The following PRKN variants were observed in gnomAD, a reference collection of about 807,000 sequenced individuals.
The protein encoded by PRKN is E3 ubiquitin-protein ligase parkin.
A neutral mutation model predicts 59.5 loss-of-function variants in PRKN; 56 were observed. The observed-to-expected ratio is 0.94, with a 90% CI of 0.76 to 1.18. PRKN has a LOEUF of 1.18. PRKN is among the 50% of genes most tolerant of loss of function. The pLI is 0.00. For missense variants in PRKN, 657 were observed against 596.4 expected (o/e 1.10, Z -1.06); for synonymous variants, 250 against 222.1 (o/e 1.13, Z -1.12).
At chr6:162,613,446 G>GA (rs1353894150) in intron 1 of PRKN, among the ~76,000 whole-genome samples, 1 of 152,146 alleles carries the variant, frequency 6.6e-6, no homozygotes, top group Non-Finnish European at 1.5e-5. Flanking sequence ...AATAATTCTA[G>GA]AAAAATGCCT....
chr6:161,643,995 G>T (rs1582936662), intron 7 of PRKN, among the ~76,000 whole-genome samples: 1 of 152,026 alleles, frequency 6.6e-6, no homozygotes, highest in African/African-American at 2.4e-5. Flanking sequence ...GTTCATCAAT[G>T]CCAGAGGAGC....
intron 1 of PRKN, among the ~76,000 whole-genome samples, chr6:162,692,577 C>CG (rs1554262678): frequency 3.3e-5 from 5 of 151,578 alleles, no homozygotes; most frequent in African/African-American, 1.2e-4. Flanking sequence ...CAGACCCCCC[C>CG]CAACAAAATC....
rs141028974 is a variant in PRKN, at chr6:162,443,734, T to C, written c.8-261A>G. ...TGCATTCTCCCTTTGACATCCATCC[T>C]GGGAAACAGAGAGACTTGAGCAGGA... is the stretch of plus-strand genomic sequence containing the variant. On this transcript the variant is annotated intron_variant, in intron 1 of 11. Transcript: ENST00000366898. Among the ~76,000 whole-genome samples the C allele has an allele frequency of 3.3e-3, 509 of 152,262 alleles. 3 individuals are homozygous for C. The highest frequency in any genetic ancestry group is 0.012 in the African/African-American group (485 of 41,544).
chr6:161,669,330 C>A (rs1460174563), intron 7 of PRKN, among the ~76,000 whole-genome samples: 1 of 152,148 alleles, frequency 6.6e-6, no homozygotes, highest in African/African-American at 2.4e-5. Context: ...TTCACAGTGA[C>A]CGCCTCCAGC....
intron 2 of PRKN, among the ~76,000 whole-genome samples, chr6:162,420,714 T>C (rs890753751): frequency 2.0e-5 from 3 of 152,190 alleles, no homozygotes; most frequent in African/African-American, 7.2e-5. Context: ...CTTGTAGCTA[T>C]GACTCTGTAG....
chr6:161,389,876 T>C (rs4131770), intron 9 of PRKN, among the ~76,000 whole-genome samples: 120,180 of 152,182 alleles, frequency 0.79, 47,768 homozygotes, highest in East Asian at 0.94. Context: ...ATAAATAGGC[T>C]TTTCCTGACA....
At chr6:162,350,649 T>G (rs916245232) in intron 2 of PRKN, among the ~76,000 whole-genome samples, 1 of 152,154 alleles carries the variant, frequency 6.6e-6, no homozygotes, top group Non-Finnish European at 1.5e-5. Flanking sequence ...GATTTCTGCT[T>G]TACATCATAT....
chr6:162,090,649 T>C (rs552323713), intron 4 of PRKN, among the ~76,000 whole-genome samples: 2 of 152,342 alleles, frequency 1.3e-5, no homozygotes, highest in South Asian at 2.1e-4. Context: ...AAGTGTCTAA[T>C]TGCAATACAC....
At position 161,592,795 on chromosome 6, in the gene PRKN, G is replaced by C. The variant is rs1300958177; in HGVS notation, c.872-23379C>G. 1.3e-5 allele frequency among the ~76,000 whole-genome samples: 2 copies of C among 152,096 alleles called. No individual in the cohort carries two copies. The highest frequency in any genetic ancestry group is 2.9e-5 in the Non-Finnish European group (2 of 68,010). ...ACACAAGCAGAGCAGACAGGTCTGCGGGCCAGGGTGCCGCCAGGATAGGAG... is the reference window on the plus strand; with the variant it reads ...ACACAAGCAGAGCAGACAGGTCTGCCGGCCAGGGTGCCGCCAGGATAGGAG... On this transcript the variant is annotated intron_variant, in intron 7 of 11. Transcript: ENST00000366898. The surrounding 1 kb of genome is among the most constrained non-coding windows in gnomAD (Gnocchi z 4.8).
intron 1 of PRKN, among the ~76,000 whole-genome samples, chr6:162,508,157 G>C (rs936014239): frequency 6.6e-6 from 1 of 152,172 alleles, no homozygotes; most frequent in African/African-American, 2.4e-5. Flanking sequence ...GAGAAAATGA[G>C]GAAGATGCAA....
At chr6:161,555,752 T>C (rs1296807141) in intron 8 of PRKN, among the ~76,000 whole-genome samples, 1 of 152,204 alleles carries the variant, frequency 6.6e-6, no homozygotes, top group Non-Finnish European at 1.5e-5. Flanking sequence ...TATCCTTTTG[T>C]GCATCCACAT....
intron 1 of PRKN, among the ~76,000 whole-genome samples, chr6:162,518,438 T>C (rs1411763519): frequency 6.6e-6 from 1 of 152,190 alleles, no homozygotes; most frequent in Non-Finnish European, 1.5e-5. Context: ...CAATCTCGGC[T>C]CACTGCAACC....
At chr6:161,843,302 T>C (rs547921443) in intron 6 of PRKN, among the ~76,000 whole-genome samples, 6 of 152,214 alleles carry the variant, frequency 3.9e-5, no homozygotes, top group Non-Finnish European at 8.8e-5. Flanking sequence ...TGAAGCCACC[T>C]TCTGTCTCCT....
At chr6:162,656,539 T>C (rs1382445453) in intron 1 of PRKN, among the ~76,000 whole-genome samples, 5 of 152,218 alleles carry the variant, frequency 3.3e-5, no homozygotes, top group African/African-American at 1.2e-4. Context: ...ACAATTGAAT[T>C]GCCTTTCTAG....
intron 1 of PRKN, among the ~76,000 whole-genome samples, chr6:162,503,139 T>TTTTC (rs1793448395): frequency 1.4e-5 from 2 of 144,490 alleles, no homozygotes; most frequent in Non-Finnish European, 3.0e-5. Context: ...TTCATTTCTT[T>TTTTC]TTTTTTTTTT....
At chr6:161,627,156 A>C (rs1413824019) in intron 7 of PRKN, among the ~76,000 whole-genome samples, 1 of 152,232 alleles carries the variant, frequency 6.6e-6, no homozygotes, top group Non-Finnish European at 1.5e-5. Flanking sequence ...GAGGTACAGC[A>C]TCGGAGAAAA....
chr6:161,801,887 T>A (rs1274796415), intron 6 of PRKN, among the ~76,000 whole-genome samples: 1 of 152,144 alleles, frequency 6.6e-6, no homozygotes, highest in African/African-American at 2.4e-5. Context: ...TCTGCTTGCA[T>A]ACAAGCAGGT....
intron 1 of PRKN, among the ~76,000 whole-genome samples, chr6:162,582,638 G>A (rs551973855): frequency 2.8e-4 from 43 of 152,232 alleles, no homozygotes; most frequent in African/African-American, 1.0e-3. Flanking sequence ...AGCTCTCTTT[G>A]CATTTTAATG....
At position 161,459,415 on chromosome 6, in the gene PRKN, C is replaced by G. The variant is rs1403825498; in HGVS notation, c.1084-72538G>C. Among the ~76,000 whole-genome samples the G allele has an allele frequency of 6.6e-6, 1 of 152,192 alleles. No homozygotes were observed. Among genetic ancestry groups the G allele is most frequent in the East Asian group, 1.9e-4 (1 of 5,202 alleles). ...CTTTTGAGAAAGTCCAAGCTGTGCA[C>G]ATGTTGAAATAAATCAGAGGCCTGT... On this transcript the variant is annotated intron_variant, in intron 9 of 11. Transcript: ENST00000366898. The surrounding 1 kb of genome is among the most constrained non-coding windows in gnomAD (Gnocchi z 4.8).
Sources: allele counts gnomAD v4.1 joint callset (sites outside exome capture counted in the v4.1 genomes callset), GRCh38; gene constraint gnomAD v4.1.1; non-coding constraint Gnocchi (gnomAD v3.1); transcripts MANE v1.5; gene names NCBI Gene and HGNC (gene_info 2026-07-23, HGNC 2026-07-21).